Variants in COL24A1 observed in about 807,000 individuals in gnomAD.
COL24A1 encodes the protein collagen alpha-1(XXIV) chain.
COL24A1 carries 224 observed loss-of-function variants against 253.9 expected under a neutral mutation model. That is an observed-to-expected ratio of 0.88 (90% confidence interval 0.79 to 0.99). COL24A1 has a LOEUF of 0.99. Ranked by LOEUF, COL24A1 falls within the 50% of genes least tolerant of loss-of-function variation. COL24A1 has a pLI of 0.00. For missense variants in COL24A1, 2,131 were observed against 2,068.5 expected (o/e 1.03, Z -0.59); for synonymous variants, 685 against 673.7 (o/e 1.02, Z -0.26).
chr1:86,092,126 C>A, intron 6 of COL24A1, 141 bp downstream of exon 6: 8 of 489,070 alleles, frequency 1.6e-5, no homozygotes, highest in East Asian at 4.0e-5. Flanking sequence ...TCAAATAGTT[C>A]TTCCTTCATT....
chr1:86,077,442 G>A (rs1702330994), intron 7 of COL24A1, among the ~76,000 whole-genome samples: 1 of 152,062 alleles, frequency 6.6e-6, no homozygotes, highest in African/African-American at 2.4e-5. Context: ...ATTCCTCAAG[G>A]ATCTAGAACC....
intron 24 of COL24A1, among the ~76,000 whole-genome samples, chr1:85,942,913 A>G (rs1344019201): frequency 4.6e-5 from 7 of 152,142 alleles, no homozygotes; most frequent in Admixed American, 4.6e-4. Context: ...TGTCAATTTG[A>G]CTGGTATAAG....
chr1:85,982,719 T>C (rs1203367742), intron 20 of COL24A1, among the ~76,000 whole-genome samples: 1 of 152,076 alleles, frequency 6.6e-6, no homozygotes, highest in Admixed American at 6.6e-5. Flanking sequence ...TTTTCACTTA[T>C]GAAGGGCTCA....
rs374013833 is a variant in COL24A1 at position 85,784,383 on chromosome 1, G to A, written c.4060-17C>T. ...TTGTTCACCCTATGGGTAGAACAAA[G>A]AAAAGCGATCTTTACATCAGAACAT... On this transcript the variant is annotated splice_polypyrimidine_tract_variant and intron_variant, in intron 48 of 59. Coordinates refer to ENST00000370571, the MANE Select transcript of COL24A1 (RefSeq NM_152890.7). 45 of 1,574,314 alleles carry A rather than the reference G, an allele frequency of 2.9e-5. No individual in the cohort carries two copies. In the African/African-American group the frequency reaches 5.7e-4, roughly 20 times the overall value.
Position 86,046,818 on chromosome 1 carries a change from A to G in COL24A1, c.1950+7T>C. Reference sequence around the variant, plus strand: ...AAATAAACCTCAAAAAACACAAATTAAGATACCTGTCTCCCCTTAAAACCC... The same window carrying G: ...AAATAAACCTCAAAAAACACAAATTGAGATACCTGTCTCCCCTTAAAACCC... On this transcript the variant is annotated splice_region_variant and intron_variant, in intron 12 of 59. Transcript: ENST00000370571. 6.2e-7 allele frequency: 1 copy of G among 1,611,796 alleles called. No individual in the cohort carries two copies. The highest frequency in any genetic ancestry group is 2.2e-5 in the East Asian group (1 of 44,766).
intron 2 of COL24A1, among the ~76,000 whole-genome samples, chr1:86,144,882 T>C (rs1376521182): frequency 6.6e-6 from 1 of 152,122 alleles, no homozygotes; most frequent in East Asian, 1.9e-4. Flanking sequence ...TAGTAAGTTC[T>C]CAGAAACAGT....
chr1:85,811,404 TA>T (rs1484783984), intron 47 of COL24A1, among the ~76,000 whole-genome samples: 1 of 152,198 alleles, frequency 6.6e-6, no homozygotes, highest in African/African-American at 2.4e-5. Context: ...AAAATTTATT[TA>T]AAAAAATCTT....
Position 85,734,808 on chromosome 1 carries a change from C to G in COL24A1, c.4939G>C (p.Gly1647Arg). ...GLPIGFKGWN[G>R]QIFKVNTLLE... ...AGAGTGTTTACTTTAAAAATCTGGC[C>G]ATTCCATCCCTTGAAACCAATAGGC... The change falls in exon 59 of 60, where the codon GGC becomes CGC. Residue 1647 changes from glycine to arginine, a missense_variant. Coordinates refer to ENST00000370571, the MANE Select transcript of COL24A1 (RefSeq NM_152890.7). 6.2e-7 allele frequency: 1 copy of G among 1,614,190 alleles called. No homozygotes were observed. Among genetic ancestry groups the G allele is most frequent in the Non-Finnish European group, 8.5e-7 (1 of 1,180,042 alleles).
At chr1:86,080,610 A>T (rs905963418) in intron 7 of COL24A1, among the ~76,000 whole-genome samples, 1 of 152,230 alleles carries the variant, frequency 6.6e-6, no homozygotes, top group South Asian at 2.1e-4. Context: ...TGCCTCAGCA[A>T]GAATTCCAAT....
intron 10 of COL24A1, among the ~76,000 whole-genome samples, chr1:86,053,603 A>T (rs1334837640): frequency 6.6e-6 from 1 of 152,112 alleles, no homozygotes; most frequent in African/African-American, 2.4e-5. Context: ...AAGGTTGTAG[A>T]TCCAGTTAGA....
chr1:86,006,415 T>C (rs1304238280), intron 19 of COL24A1, among the ~76,000 whole-genome samples: 3 of 152,226 alleles, frequency 2.0e-5, no homozygotes, highest in Non-Finnish European at 2.9e-5. Flanking sequence ...GGAGCAAAGA[T>C]AGTCTTTTCA....
At chr1:86,063,809 C>T (rs776320538) in intron 7 of COL24A1, 50 bp from the exon 8 acceptor site, 3 of 1,359,202 alleles carry the variant, frequency 2.2e-6, no homozygotes, top group Admixed American at 4.9e-5. Context: ...CTCATATAAG[C>T]CAAATAACGA....
At chr1:86,138,962 G>A (rs1020874655) in intron 2 of COL24A1, among the ~76,000 whole-genome samples, 1 of 105,932 alleles carries the variant, frequency 9.4e-6, no homozygotes, top group African/African-American at 3.0e-5. Flanking sequence ...AGTCATCAGC[G>A]CAATTTTTGT....
chr1:86,001,758 T>C (rs1052684016), intron 19 of COL24A1, among the ~76,000 whole-genome samples: 2 of 151,872 alleles, frequency 1.3e-5, no homozygotes, highest in Non-Finnish European at 2.9e-5. Flanking sequence ...GAAATATATA[T>C]ACACACACAC....
At chr1:85,983,436 T>C (rs1281537268) in intron 20 of COL24A1, among the ~76,000 whole-genome samples, 1 of 151,920 alleles carries the variant, frequency 6.6e-6, no homozygotes, top group Non-Finnish European at 1.5e-5. Context: ...AAGTTTCCAT[T>C]CCTACTTTGA....
intron 7 of COL24A1, among the ~76,000 whole-genome samples, chr1:86,085,922 C>T (rs1703028339): frequency 6.6e-6 from 1 of 152,132 alleles, no homozygotes; most frequent in Non-Finnish European, 1.5e-5. Context: ...GAAGAGAATA[C>T]TGCTGCTAAT....
chr1:86,028,174 G>A (rs1698226266), intron 14 of COL24A1, among the ~76,000 whole-genome samples: 1 of 152,158 alleles, frequency 6.6e-6, no homozygotes, highest in African/African-American at 2.4e-5. Flanking sequence ...TCTCAGATAA[G>A]ACTTTGGACT....
At chr1:85,874,866 G>A (rs984361662) in intron 34 of COL24A1, among the ~76,000 whole-genome samples, 164 bp from the exon 35 acceptor site, 3 of 152,248 alleles carry the variant, frequency 2.0e-5, no homozygotes, top group African/African-American at 4.8e-5. Flanking sequence ...AGCAGCTGGT[G>A]AGCCAGCATT....
intron 53 of COL24A1, among the ~76,000 whole-genome samples, chr1:85,768,972 TTCTC>T (rs1266771617): frequency 7.0e-6 from 1 of 143,860 alleles, no homozygotes; most frequent in East Asian, 2.1e-4. Context: ...GGAGCTCACT[TTCTC>T]TCAGGGAGCT....
Sources: gnomAD v4.1 joint callset for allele counts (sites outside exome capture counted in the v4.1 genomes callset) on GRCh38, gnomAD v4.1.1 for gene constraint, MANE v1.5 for transcripts, NCBI Gene and HGNC (gene_info 2026-07-23, HGNC 2026-07-21) for gene names.